Variants in AHR observed in about 807,000 individuals in gnomAD.
The protein encoded by AHR is AH-receptor.
Under a neutral mutation model 86.8 loss-of-function variants are expected in AHR, and 40 were observed. That is an observed-to-expected ratio of 0.46 (90% confidence interval 0.36 to 0.60). AHR has a LOEUF of 0.60. AHR is among the 20% of genes least tolerant of loss of function. AHR has a pLI of 0.00. For synonymous variants in AHR, 398 were observed against 354.9 expected, an observed-to-expected ratio of 1.12 and a Z score of -1.37; for missense variants, 1,001 against 1,011.6, an observed-to-expected ratio of 0.99 and a Z score of 0.14.
At chr7:17,299,545 C>T (rs960945304) in intron 1 of AHR, among the ~76,000 whole-genome samples, 4 of 152,234 alleles carry the variant, frequency 2.6e-5, no homozygotes, top group Non-Finnish European at 4.4e-5. Flanking sequence ...TCCTCCCACC[C>T]ATCCTCTTCC....
chr7:17,306,557 A>G (rs144862711), intron 1 of AHR, among the ~76,000 whole-genome samples: 2,808 of 151,784 alleles, frequency 0.018, 53 homozygotes, highest in Non-Finnish European at 0.024. Flanking sequence ...TTTTCCGTCT[A>G]TCATTTCTTC....
Position 17,339,349 on chromosome 7 carries a change from C to G in AHR, c.1524C>G (p.Ile508Met), listed in dbSNP as rs887566055. The G allele has an allele frequency of 1.2e-6, 2 of 1,614,176 alleles. No individual in the cohort carries two copies. Among genetic ancestry groups the G allele is most frequent in the Admixed American group, 3.3e-5 (2 of 60,024 alleles). ...DNTAPMGNDT[I>M]LKHEQIDQPQ... ...CTGCACCGATGGGAAATGATACTAT[C>G]CTGAAACATGAGCAAATTGACCAGC... The change falls in exon 10 of 11, where the codon ATC (isoleucine) becomes ATG (methionine). Residue 508 changes from isoleucine (I) to methionine (M), a missense_variant. Physicochemically the swap from Ile to Met is conservative, Grantham distance 10 (BLOSUM62 1). Around this residue, in one of 2 missense-constraint regions of AHR, gnomAD observed 607 missense variants for 543.1 expected, o/e 1.12. Transcript: ENST00000242057.
At position 17,333,982 on chromosome 7, in the gene AHR, T is replaced by C; in HGVS notation, c.776T>C (p.Leu259Pro). The C allele has an allele frequency of 6.2e-7, 1 of 1,613,548 alleles. No homozygotes were observed. Among genetic ancestry groups the C allele is most frequent in the Non-Finnish European group, 8.5e-7 (1 of 1,179,554 alleles). ...AAGAAAGGGAAAGATGGATCAATAC[T>C]TCCACCTCAGTTGGCTTTGTTTGCG... ...QKKKGKDGSI[L>P]PPQLALFAIA... The change falls in exon 7 of 11, where the codon CTT becomes CCT. Residue 259 changes from leucine (L) to proline (P), a missense_variant. Around this residue, in one of 2 missense-constraint regions of AHR, gnomAD observed 394 missense variants for 468.5 expected, o/e 0.84. Transcript: ENST00000242057.
At chr7:17,317,702 A>G (rs1258379082) in intron 2 of AHR, among the ~76,000 whole-genome samples, 1 of 152,088 alleles carries the variant, frequency 6.6e-6, no homozygotes, top group African/African-American at 2.4e-5. Flanking sequence ...CTGAATCAGA[A>G]ATTCTAGAGG....
intron 2 of AHR, among the ~76,000 whole-genome samples, chr7:17,321,904 T>C (rs748014113): frequency 2.6e-5 from 4 of 152,034 alleles, no homozygotes; most frequent in Non-Finnish European, 2.9e-5. Context: ...TATAAAGACA[T>C]TAATTCTCCA....
Position 17,345,878 on chromosome 7 carries a change from T to C in AHR, c.*2814T>C, listed in dbSNP as rs1782478014. The C allele has an allele frequency of 9.6e-6, 1 of 104,400 alleles. No individual in the cohort carries two copies. The allele number at this position is 104,400 out of a possible 1,614,324, so 6.5% of individuals were successfully genotyped here. A position where few individuals can be genotyped will look rare whatever the true frequency, so the allele number is the denominator to read the frequency against. ...GTGCACATCTAAGGATATGGATGTG[T>C]CTAATTTAGTCTTTTCCTGTACCAG... On this transcript the variant is annotated 3_prime_UTR_variant, in exon 11 of 11. Coordinates refer to ENST00000242057, the MANE Select transcript of AHR (RefSeq NM_001621.5).
intron 10 of AHR, among the ~76,000 whole-genome samples, 182 bp downstream of exon 10, chr7:17,340,410 G>T: frequency 6.7e-6 from 1 of 149,130 alleles, no homozygotes. Flanking sequence ...TTTCCAGTAT[G>T]TTACTAATAT....
chr7:17,334,790 T>C (rs904271448), intron 7 of AHR, 97 bp from the exon 8 acceptor site: 1 of 785,930 alleles, frequency 1.3e-6, no homozygotes, highest in African/African-American at 1.7e-5. Flanking sequence ...TAAAACATAT[T>C]GCAGAAACTA....
chr7:17,335,075 T>C (rs892681071), intron 8 of AHR, 79 bp downstream of exon 8: 8 of 1,015,660 alleles, frequency 7.9e-6, no homozygotes, highest in African/African-American at 1.6e-5. Context: ...TTACGTAATG[T>C]AAAGTGTTTA....
chr7:17,319,571 G>T (rs2115357799), intron 2 of AHR, among the ~76,000 whole-genome samples: 1 of 152,266 alleles, frequency 6.6e-6, no homozygotes, highest in East Asian at 1.9e-4. Context: ...CGTGGAAAGT[G>T]CTAGGTGTAC....
Position 17,340,017 on chromosome 7 carries a change from C to T in AHR, c.2192C>T (p.Thr731Ile). The T allele has an allele frequency of 6.2e-7, 1 of 1,614,224 alleles. No homozygotes were observed. The highest frequency in any genetic ancestry group is 8.5e-7 in the Non-Finnish European group (1 of 1,180,032). ...MGSFEPSPYPTTSSLEDFVTC... is the reference protein window; with the variant it reads ...MGSFEPSPYPITSSLEDFVTC... ...AGTTTTGAACCATCCCCATACCCCA[C>T]TACTTCTAGTTTAGAAGATTTTGTC... Residue 731 changes from threonine to isoleucine, a missense_variant, in exon 10 of 11, where the codon ACT (threonine) becomes ATT (isoleucine). By Grantham distance (89) the Thr-to-Ile change is moderately conservative (BLOSUM62 -1). This residue lies in a region of AHR where 607 missense variants were observed against 543.1 expected (regional missense o/e 1.12). Transcript: ENST00000242057.
chr7:17,330,192 T>A (rs1421778069), intron 5 of AHR, 117 bp downstream of exon 5: 5 of 1,034,828 alleles, frequency 4.8e-6, no homozygotes, highest in African/African-American at 3.2e-5. Context: ...TGGAAAGATG[T>A]AAAGTCTGCA....
intron 2 of AHR, among the ~76,000 whole-genome samples, chr7:17,313,539 ATCT>A (rs1243294655): frequency 6.6e-6 from 1 of 152,156 alleles, no homozygotes; most frequent in Non-Finnish European, 1.5e-5. Flanking sequence ...ACTTGGATGG[ATCT>A]TCTTAAAGTT....
In AHR at chr7:17,339,921, A is replaced by G; in HGVS notation, c.2096A>G (p.Asn699Ser). ...SEMDSMPYTQ[N>S]FISCNQPVLP... ...ATGGATTCTATGCCTTATACACAGA[A>G]CTTTATTTCCTGTAATCAGCCTGTA... The change falls in exon 10 of 11, where the codon AAC (asparagine) becomes AGC (serine). Residue 699 changes from asparagine to serine, a missense_variant. Physicochemically the swap from Asn to Ser is conservative, Grantham distance 46. This residue lies in a region of AHR where 607 missense variants were observed against 543.1 expected (regional missense o/e 1.12). Transcript: ENST00000242057. The G allele has an allele frequency of 6.2e-7, 1 of 1,614,228 alleles. No homozygotes were observed. Among genetic ancestry groups the G allele is most frequent in the Non-Finnish European group, 8.5e-7 (1 of 1,180,042 alleles).
chr7:17,335,498 C>A lies in AHR; in HGVS notation c.1019-147C>A, dbSNP rs886965124. 1.3e-5 allele frequency: 8 copies of A among 612,988 alleles called. No individual in the cohort carries two copies. The African/African-American group carries it at 1.3e-4, about 10-fold the overall frequency. The allele number at this position is 612,988 out of a possible 1,614,324, so 38.0% of individuals were successfully genotyped here. ...ACAACTCTGAAAAACTATTTCCATG[C>A]CTTTTATTATTTTTTGTTTAAAATT... On this transcript the variant is annotated intron_variant, in intron 8 of 10. Transcript: ENST00000242057.
chr7:17,343,286 T>G lies in AHR; in HGVS notation c.*222T>G, dbSNP rs1782445688. On this transcript the variant is annotated 3_prime_UTR_variant, in exon 11 of 11. Transcript: ENST00000242057. Reference sequence around the variant, plus strand: ...ACTACAGTCAAGATAGAAAGGGTGCTGCCACGGAGTGGTGAGGTACCGTCT... The same window carrying G: ...ACTACAGTCAAGATAGAAAGGGTGCGGCCACGGAGTGGTGAGGTACCGTCT... The G allele has an allele frequency of 1.8e-6, 1 of 557,780 alleles. No individual in the cohort carries two copies. Among genetic ancestry groups the G allele is most frequent in the Non-Finnish European group, 3.1e-6 (1 of 322,484 alleles). The allele number at this position is 557,780 out of a possible 1,614,324, so 34.6% of individuals were successfully genotyped here.
chr7:17,324,907 CTTTA>C (rs1397519761), intron 3 of AHR, among the ~76,000 whole-genome samples: 5 of 152,040 alleles, frequency 3.3e-5, no homozygotes, highest in African/African-American at 9.7e-5. Flanking sequence ...ATAACTGTGT[CTTTA>C]TTTACTTCAC....
chr7:17,306,288 T>C (rs1782004663), intron 1 of AHR, among the ~76,000 whole-genome samples: 1 of 152,296 alleles, frequency 6.6e-6, no homozygotes, highest in South Asian at 2.1e-4. Flanking sequence ...CTGTATATCT[T>C]CAAGATGTAT....
chr7:17,299,452 C>A, intron 1 of AHR, 123 bp downstream of exon 1: 1 of 1,111,872 alleles, frequency 9.0e-7, no homozygotes, highest in Non-Finnish European at 1.3e-6. Flanking sequence ...CCCGGCACTG[C>A]CCGTGGAATC....
Sources: gnomAD v4.1 joint callset for allele counts (sites outside exome capture counted in the v4.1 genomes callset) on GRCh38, gnomAD v4.1.1 for gene constraint, gnomAD v4.1.1 regional missense constraint, MANE v1.5 for transcripts, NCBI Gene and HGNC (gene_info 2026-07-23, HGNC 2026-07-21) for gene names.